Variants in FBN1 observed in about 807,000 individuals in gnomAD.
The protein encoded by FBN1 is fibrillin-1.
Under a neutral mutation model 365.1 loss-of-function variants are expected in FBN1, and 29 were observed. The observed-to-expected ratio is 0.08, with a 90% confidence interval of 0.06 to 0.11. FBN1 has a LOEUF of 0.11. Among genes scored for constraint, FBN1 ranks in the 10% least tolerant of loss-of-function variants. The pLI is 1.00. For synonymous variants in FBN1, 1,210 were observed against 1,270.5 expected (o/e 0.95, Z 1.01); for missense variants, 2,476 against 3,703.2 (o/e 0.67, Z 8.60).
intron 47 of FBN1, among the ~76,000 whole-genome samples, chr15:48,446,468 T>C (rs905890320): frequency 6.6e-6 from 1 of 152,208 alleles, no homozygotes; most frequent in Non-Finnish European, 1.5e-5. Context: ...GGTTCAGTAC[T>C]ATCTGTGGTT....
rs181235942 is a variant in FBN1, at chr15:48,610,041, T to G, written c.346+687A>C. On this transcript the variant is annotated intron_variant, in intron 4 of 65. Transcript: ENST00000316623. ...AAACGGAAAAGGGACCTACGTTTTT[T>G]GCCATGGGGACGGTCAAAGTTTTGA... Among the ~76,000 whole-genome samples the G allele has an allele frequency of 1.5e-3, 226 of 152,316 alleles. 1 individual carries two copies. Among genetic ancestry groups the G allele is most frequent in the Admixed American group, 2.4e-3 (37 of 15,300 alleles).
intron 44 of FBN1, among the ~76,000 whole-genome samples, chr15:48,453,652 G>A (rs1223542494): frequency 6.6e-6 from 1 of 152,108 alleles, no homozygotes; most frequent in East Asian, 1.9e-4. Flanking sequence ...TCATCAGAGT[G>A]GACTCTGAGT....
chr15:48,415,388 A>C (rs894094981), intron 64 of FBN1, 148 bp downstream of exon 64: 4 of 697,706 alleles, frequency 5.7e-6, no homozygotes, highest in African/African-American at 5.4e-5. Flanking sequence ...AAATAACCTA[A>C]AACTTTTGCC....
intron 12 of FBN1, among the ~76,000 whole-genome samples, chr15:48,514,244 T>C (rs564441767): frequency 6.6e-6 from 1 of 152,366 alleles, no homozygotes; most frequent in East Asian, 1.9e-4. Context: ...CTGGTTTATA[T>C]GACCCTACTT....
chr15:48,454,373 A>G (rs1461912092), intron 44 of FBN1, among the ~76,000 whole-genome samples: 1 of 152,212 alleles, frequency 6.6e-6, no homozygotes, highest in East Asian at 1.9e-4. Flanking sequence ...TTAAAACAGA[A>G]AAGATTTTGG....
At chr15:48,567,876 A>G (rs2044268915) in intron 6 of FBN1, among the ~76,000 whole-genome samples, 1 of 151,948 alleles carries the variant, frequency 6.6e-6, no homozygotes, top group African/African-American at 2.4e-5. Context: ...GAAATAACAA[A>G]TGCTTTCTTT....
chr15:48,539,047 C>T (rs2044035799), intron 6 of FBN1, among the ~76,000 whole-genome samples: 2 of 152,166 alleles, frequency 1.3e-5, no homozygotes, highest in Admixed American at 1.3e-4. Flanking sequence ...CAAGAGTCAA[C>T]ATTCTGGATC....
chr15:48,552,130 A>C (rs1175206775), intron 6 of FBN1, among the ~76,000 whole-genome samples: 1 of 152,194 alleles, frequency 6.6e-6, no homozygotes, highest in East Asian at 1.9e-4. Flanking sequence ...AACAGTGTAT[A>C]AGTGTTCCTT....
intron 14 of FBN1, 42 bp downstream of exon 14, chr15:48,510,002 T>C (rs866339188): frequency 6.2e-7 from 1 of 1,608,276 alleles, no homozygotes; most frequent in African/African-American, 1.3e-5. Flanking sequence ...ATATTGAAAC[T>C]GCAATGGAAG....
intron 35 of FBN1, among the ~76,000 whole-genome samples, chr15:48,471,557 A>G (rs7174973): frequency 0.15 from 22,213 of 152,136 alleles, 2,157 homozygotes; most frequent in African/African-American, 0.28. Flanking sequence ...CTTGACTCCA[A>G]GGAGTTTTAT....
intron 40 of FBN1, 60 bp downstream of exon 40, chr15:48,465,508 G>A: frequency 6.3e-7 from 1 of 1,592,490 alleles, no homozygotes; most frequent in Non-Finnish European, 8.6e-7. Flanking sequence ...ACCATATTCT[G>A]GTTTTGCAGG....
At chr15:48,428,253 G>C in intron 57 of FBN1, 93 bp downstream of exon 57, 1 of 1,492,632 alleles carries the variant, frequency 6.7e-7, no homozygotes, top group Non-Finnish European at 9.3e-7. Flanking sequence ...CTCAGATTTT[G>C]ACATTTTCTT....
intron 32 of FBN1, among the ~76,000 whole-genome samples, chr15:48,477,348 C>T (rs956652582): frequency 6.6e-6 from 1 of 152,072 alleles, no homozygotes; most frequent in Non-Finnish European, 1.5e-5. Context: ...GTATCATGGG[C>T]TTTTGGGTAA....
chr15:48,581,038 A>G lies in FBN1; in HGVS notation c.538+15245T>C, dbSNP rs2044387846. 2.0e-5 allele frequency among the ~76,000 whole-genome samples: 3 copies of G among 152,284 alleles called. No homozygotes were observed. The South Asian group carries it at 6.2e-4, about 32-fold the overall frequency. ...GTGAGCTCAGAACATCATCACAGCA[A>G]TGCACCAACAAATCATGCACTACAC... is the stretch of plus-strand genomic sequence containing the variant. On this transcript the variant is annotated intron_variant, in intron 6 of 65. Coordinates refer to ENST00000316623, the MANE Select transcript of FBN1 (RefSeq NM_000138.5).
At chr15:48,475,281 C>A (rs1379583178) in intron 32 of FBN1, among the ~76,000 whole-genome samples, 1 of 152,118 alleles carries the variant, frequency 6.6e-6, no homozygotes, top group Non-Finnish European at 1.5e-5. Flanking sequence ...CATTGGAGAG[C>A]CAAGCCTTCT....
intron 15 of FBN1, 99 bp from the exon 16 acceptor site, chr15:48,505,246 A>C (rs1037216211): frequency 4.2e-6 from 6 of 1,424,830 alleles, no homozygotes; most frequent in Non-Finnish European, 4.9e-6. Flanking sequence ...TGGGGAAGAT[A>C]GGAAATAATA....
At chr15:48,414,972 T>A in intron 64 of FBN1, among the ~76,000 whole-genome samples, 1 of 152,160 alleles carries the variant, frequency 6.6e-6, no homozygotes, top group Non-Finnish European at 1.5e-5. Flanking sequence ...GTTTTTTTTG[T>A]TTTTCTTTTT....
At chr15:48,506,919 GCTCT>G (rs150432019) in intron 15 of FBN1, among the ~76,000 whole-genome samples, 3 of 149,502 alleles carry the variant, frequency 2.0e-5, no homozygotes, top group Admixed American at 6.7e-5. Flanking sequence ...GAGCTGTGGA[GCTCT>G]CTCTCTCTCT....
intron 15 of FBN1, among the ~76,000 whole-genome samples, chr15:48,507,505 A>G (rs1156242887): frequency 6.6e-6 from 1 of 152,188 alleles, no homozygotes; most frequent in Non-Finnish European, 1.5e-5. Context: ...GGTTTGCACA[A>G]TATTAAGAGC....
Sources: gnomAD v4.1 joint callset for allele counts (sites outside exome capture counted in the v4.1 genomes callset) on GRCh38, gnomAD v4.1.1 for gene constraint, MANE v1.5 for transcripts, NCBI Gene and HGNC (gene_info 2026-07-23, HGNC 2026-07-21) for gene names.